Variants in POLE observed in about 807,000 individuals in gnomAD.
The protein encoded by POLE is DNA polymerase epsilon catalytic subunit A.
POLE carries 188 observed loss-of-function variants against 279.2 expected under a neutral mutation model. The ratio of observed to expected loss-of-function variants is 0.67; its 90% CI spans 0.60 to 0.76. POLE has a LOEUF of 0.76. POLE is among the 30% of genes least tolerant of loss of function. The pLI is 0.00. For missense variants in POLE, 2,703 were observed against 3,016.7 expected, an observed-to-expected ratio of 0.90 and a Z score of 2.44; for synonymous variants, 1,214 against 1,172.5, an observed-to-expected ratio of 1.04 and a Z score of -0.72.
Position 132,661,693 on chromosome 12 carries a change from C to T in POLE, c.2707-9G>A, listed in dbSNP as rs1057521516. 1.5e-5 allele frequency: 24 copies of T among 1,613,530 alleles called. No individual in the cohort carries two copies. Among genetic ancestry groups the T allele is most frequent in the Non-Finnish European group, 1.9e-5 (23 of 1,179,764 alleles). ...TCATTGGTGAAGCCTTCCTGAGAAA[C>T]AAGAGTGAAGAGGGGGCAGCTTCAC... On this transcript the variant is annotated splice_polypyrimidine_tract_variant and intron_variant, in intron 23 of 48. Coordinates refer to ENST00000320574, the MANE Select transcript of POLE (RefSeq NM_006231.4). This position sits in a 1 kb window ranked among gnomAD's most constrained non-coding sequence, Gnocchi z 4.1.
At chr12:132,679,076 C>T (rs1425242140) in intron 6 of POLE, among the ~76,000 whole-genome samples, 1 of 152,182 alleles carries the variant, frequency 6.6e-6, no homozygotes, top group African/African-American at 2.4e-5. Flanking sequence ...ATTGTTGATG[C>T]TCAAATACTT....
chr12:132,674,108 G>C (rs775449695), intron 12 of POLE, among the ~76,000 whole-genome samples: 3 of 151,928 alleles, frequency 2.0e-5, no homozygotes, highest in Non-Finnish European at 4.4e-5. Context: ...AAACACTCAA[G>C]CCCACCCTCC....
At chr12:132,659,204 G>GGGGAGCCCTCACCTCTCCGTGACGGA (rs1565955583) in intron 26 of POLE, 91 bp downstream of exon 26, 11 of 1,344,212 alleles carry the variant, frequency 8.2e-6, no homozygotes, top group Middle Eastern at 2.5e-4. Context: ...TCTGTGATGA[G>GGGGAGCCCTCACCTCTCCGTGACGGA]GGGAGCCCTC....
At chr12:132,633,074 G>C in intron 43 of POLE, 1 of 285,450 alleles carries the variant, frequency 3.5e-6, no homozygotes, top group Non-Finnish European at 6.5e-6. Context: ...GCGCGTGAAA[G>C]ACAGCTCCCA....
Position 132,643,771 on chromosome 12 carries a change from T to A in POLE, c.4290+66A>T, listed in dbSNP as rs185257411. Reference sequence around the variant, plus strand: ...TTCCCCAGCCCACACCCTGGGCGGGTTTCTTTCCTCCATACCACCCTGCTG... The same window carrying A: ...TTCCCCAGCCCACACCCTGGGCGGGATTCTTTCCTCCATACCACCCTGCTG... On this transcript the variant is annotated intron_variant, in intron 33 of 48. Coordinates refer to ENST00000320574, the MANE Select transcript of POLE (RefSeq NM_006231.4). 3.6e-4 allele frequency: 562 copies of A among 1,568,308 alleles called. 3 individuals carry two copies. In the East Asian group the frequency reaches 9.9e-3, roughly 28 times the overall value.
intron 39 of POLE, chr12:132,640,913 A>T: frequency 2.2e-6 from 1 of 449,104 alleles, no homozygotes; most frequent in East Asian, 7.0e-5. Context: ...TCCCTGCCTC[A>T]TTTCCCAGCT....
chr12:132,626,317 C>G lies in POLE; in HGVS notation c.6331G>C (p.Val2111Leu). 1 of 1,613,398 alleles carries G rather than the reference C, an allele frequency of 6.2e-7. No homozygotes were observed. The highest frequency in any genetic ancestry group is 8.5e-7 in the Non-Finnish European group (1 of 1,179,920). ...ALEFIKYVCK[V>L]LSLDTNITNQ... ...GTGATGTTGGTGTCCAGGGACAGCA[C>G]CTGCAGAGACCACAGCCCACATCGG... The change falls in exon 46 of 49, where the codon GTG (valine) becomes CTG (leucine). Residue 2111 changes from valine (V) to leucine (L), a missense_variant and splice_region_variant. Physicochemically the swap from Val to Leu is conservative, Grantham distance 32. Coordinates refer to ENST00000320574, the MANE Select transcript of POLE (RefSeq NM_006231.4).
At chr12:132,659,626 A>AT in intron 25 of POLE, 117 bp from the exon 26 acceptor site, 1 of 742,022 alleles carries the variant, frequency 1.3e-6, no homozygotes, top group South Asian at 1.8e-5. Context: ...GAAGGCTGCA[A>AT]TTTCAAGAGC....
rs2138512319 is a variant in POLE at position 132,639,364 on chromosome 12, T to C, written c.5379-66A>G. ...CCCACGCTGCTGCCACGCGGGACGC[T>C]CCAACTGAAATGGGCACAGGTTTTC... On this transcript the variant is annotated intron_variant, in intron 39 of 48. Coordinates refer to ENST00000320574, the MANE Select transcript of POLE (RefSeq NM_006231.4). This position sits in a 1 kb window ranked among gnomAD's most constrained non-coding sequence, Gnocchi z 4.7. 6 of 1,498,796 alleles carry C rather than the reference T, an allele frequency of 4.0e-6. No individual in the cohort carries two copies. The South Asian group carries it at 7.2e-5, about 18-fold the overall frequency. The allele number at this position is 1,498,796 out of a possible 1,614,324, so 92.8% of individuals were successfully genotyped here. A position where few individuals can be genotyped will look rare whatever the true frequency, so the allele number is the denominator to read the frequency against.
In POLE at chr12:132,632,421, G is replaced by C; in HGVS notation, c.6224C>G (p.Thr2075Arg). The change falls in exon 45 of 49, where the codon ACA becomes AGA. Residue 2075 changes from threonine (T) to arginine (R), a missense_variant. Thr to Arg is a moderately conservative substitution (Grantham distance 71). Coordinates refer to ENST00000320574, the MANE Select transcript of POLE (RefSeq NM_006231.4). ...GAGCTCAGTGGAGTTCCGAGAGCCTGTGACTTTCTTCTGAATCTTCTGAGT... is the reference window on the plus strand; with the variant it reads ...GAGCTCAGTGGAGTTCCGAGAGCCTCTGACTTTCTTCTGAATCTTCTGAGT... ...TITQKIQKKVTGSRNSTELSE... is the reference protein window; with the variant it reads ...TITQKIQKKVRGSRNSTELSE... 6.2e-7 allele frequency: 1 copy of C among 1,613,930 alleles called. No individual in the cohort carries two copies. The highest frequency in any genetic ancestry group is 8.5e-7 in the Non-Finnish European group (1 of 1,179,790).
In POLE at chr12:132,676,634, A is replaced by C. The variant is rs1447970531; in HGVS notation, c.821T>G (p.Phe274Cys). 1 of 1,613,170 alleles carries C rather than the reference A, an allele frequency of 6.2e-7. No individual in the cohort carries two copies. The highest frequency in any genetic ancestry group is 8.5e-7 in the Non-Finnish European group (1 of 1,179,292). The change falls in exon 9 of 49, where the codon TTT (phenylalanine) becomes TGT (cysteine). Residue 274 changes from phenylalanine to cysteine, a missense_variant. Physicochemically the swap from Phe to Cys is radical, Grantham distance 205 (BLOSUM62 -2). This residue lies in a region of POLE where 1,011 missense variants were observed against 1,111.7 expected (regional missense o/e 0.91). Coordinates refer to ENST00000320574, the MANE Select transcript of POLE (RefSeq NM_006231.4). Reference sequence around the variant, plus strand: ...GGGCAGTTTGGTCGTCTCAATGTCAAATGCCAAAACCACAGGGTCCTGTGG... The same window carrying C: ...GGGCAGTTTGGTCGTCTCAATGTCACATGCCAAAACCACAGGGTCCTGTGG... ...VERPDPVVLA[F>C]DIETTKLPLK...
rs575924253 is a variant in POLE at position 132,679,368 on chromosome 12, C to G, written c.578+129G>C. ...ACACAGAACATACAGAAATCTCTAC[C>G]TAATTGCTCAAGTTTTCCGTATCAA... On this transcript the variant is annotated intron_variant, in intron 6 of 48. Transcript: ENST00000320574. 7 of 850,824 alleles carry G rather than the reference C, an allele frequency of 8.2e-6. 1 individual carries two copies. In the South Asian group the frequency reaches 1.3e-4, roughly 15 times the overall value. The allele number at this position is 850,824 out of a possible 1,614,324, so 52.7% of individuals were successfully genotyped here.
In POLE at chr12:132,624,293, C is replaced by A. The variant is rs988422164; in HGVS notation, c.*404G>T. 13 of 278,706 alleles carry A rather than the reference C, an allele frequency of 4.7e-5. No individual in the cohort carries two copies. The highest frequency in any genetic ancestry group is 2.8e-4 in the African/African-American group (13 of 46,522). 17.3% of individuals were successfully genotyped at this position (278,706 alleles called of 1,614,324 possible). A position where few individuals can be genotyped will look rare whatever the true frequency, so the allele number is the denominator to read the frequency against. ...CGTCTCAGAGCCCAATCTCAGGGAG[C>A]CAGAAGCCCCCAGGGGCTTTTCCTC... On this transcript the variant is annotated 3_prime_UTR_variant, in exon 49 of 49. Transcript: ENST00000320574.
chr12:132,661,149 A>G lies in POLE; in HGVS notation c.2880T>C (p.Asn960=), dbSNP rs1555225966. ...KKLKKRYAVF[N]EDGSLAELKG... ...TGAGCTCAGCCAGAGAACCGTCTTC[A>G]TTGAACACAGCATACCTGAAAAAAA... The change falls in exon 25 of 49, where the codon AAT becomes AAC. Residue 960 remains asparagine, a synonymous_variant. Coordinates refer to ENST00000320574, the MANE Select transcript of POLE (RefSeq NM_006231.4). This position sits in a 1 kb window ranked among gnomAD's most constrained non-coding sequence, Gnocchi z 4.1. 1 of 1,609,522 alleles carries G rather than the reference A, an allele frequency of 6.2e-7. No homozygotes were observed. Among genetic ancestry groups the G allele is most frequent in the South Asian group, 1.1e-5 (1 of 90,648 alleles).
chr12:132,634,355 TC>T lies in POLE; in HGVS notation c.5834del (p.Gly1945GlufsTer54). 3 of 1,613,394 alleles carry T rather than the reference TC, an allele frequency of 1.9e-6. No homozygotes were observed. Among genetic ancestry groups the T allele is most frequent in the Non-Finnish European group, 2.5e-6 (3 of 1,179,504 alleles). ...CGLQDSQKAG[G>X]AEDEQENEDD... ...CCTCATTTTCCTGCTCATCCTCTGC[TC>T]CCCCTGCTTTCTGGGAGTCTTGCTG... On this transcript the variant is annotated frameshift_variant, in exon 43 of 49. Coordinates refer to ENST00000320574, the MANE Select transcript of POLE (RefSeq NM_006231.4). LOFTEE classifies it high-confidence loss of function. This position sits in a 1 kb window ranked among gnomAD's most constrained non-coding sequence, Gnocchi z 4.0.
chr12:132,664,201 GT>G lies in POLE; in HGVS notation c.2562-54del, dbSNP rs1565961032. The G allele has an allele frequency of 6.3e-7, 1 of 1,587,980 alleles. No individual in the cohort carries two copies. Among genetic ancestry groups the G allele is most frequent in the African/African-American group, 1.3e-5 (1 of 74,294 alleles). On this transcript the variant is annotated intron_variant, in intron 22 of 48. Transcript: ENST00000320574. This position sits in a 1 kb window ranked among gnomAD's most constrained non-coding sequence, Gnocchi z 5.3. Reference sequence around the variant, plus strand: ...TGAGTTCCCCTTTCCTTTTCACCCAGTGTGTGGCCTCCAGCCTTCCCTCCTT... The same window carrying G: ...TGAGTTCCCCTTTCCTTTTCACCCAGGTGTGGCCTCCAGCCTTCCCTCCTT...
At chr12:132,671,598 G>A (rs1021508207) in intron 16 of POLE, among the ~76,000 whole-genome samples, 7 of 150,246 alleles carry the variant, frequency 4.7e-5, no homozygotes, top group African/African-American at 9.9e-5. Flanking sequence ...GAACCCGGGA[G>A]GCAGAGGTTG....
Position 132,643,035 on chromosome 12 carries a change from G to A in POLE, c.4552-39C>T, listed in dbSNP as rs765602942. The A allele has an allele frequency of 2.6e-6, 4 of 1,551,778 alleles. No homozygotes were observed. The African/African-American group carries it at 4.1e-5, about 16-fold the overall frequency. On this transcript the variant is annotated intron_variant, in intron 35 of 48. Coordinates refer to ENST00000320574, the MANE Select transcript of POLE (RefSeq NM_006231.4). ...GGCCACGTCAGCCTCCCCCTGCGCA[G>A]GAGGAAGTGGGGGCAGCCCTGGGGC...
chr12:132,649,564 T>C (rs1392146319), intron 30 of POLE, 49 bp from the exon 31 acceptor site: 10 of 1,600,246 alleles, frequency 6.2e-6, no homozygotes, highest in Middle Eastern at 2.0e-4. Context: ...GAGATGGGAA[T>C]GCCCGCCATG....
Sources: gnomAD v4.1 joint callset for allele counts (sites outside exome capture counted in the v4.1 genomes callset) on GRCh38, gnomAD v4.1.1 for gene constraint, gnomAD v4.1.1 regional missense constraint, Gnocchi (gnomAD v3.1) non-coding constraint, MANE v1.5 for transcripts, NCBI Gene and HGNC (gene_info 2026-07-23, HGNC 2026-07-21) for gene names.